ATF7IP2: variants seen among roughly 807,000 people sequenced by gnomAD.
The protein encoded by ATF7IP2 is activating transcription factor 7 interacting protein 2, also known as activating transcription factor 7-interacting protein 2.
ATF7IP2 carries 42 observed loss-of-function variants against 64.2 expected under a neutral mutation model. That is an observed-to-expected ratio of 0.65 (90% CI 0.51 to 0.85). The LOEUF is 0.85. ATF7IP2 is among the 40% of genes least tolerant of loss of function. ATF7IP2 has a pLI of 0.00. For missense variants in ATF7IP2, 933 were observed against 784.2 expected, an observed-to-expected ratio of 1.19 and a Z score of -2.27; for synonymous variants, 308 against 272.8, an observed-to-expected ratio of 1.13 and a Z score of -1.27.
intron 8 of ATF7IP2, chr16:10,445,182 T>A (rs2048760597): frequency 6.6e-6 from 1 of 152,210 alleles, no homozygotes; most frequent in Admixed American, 6.5e-5. Flanking sequence ...CCCCAATGGG[T>A]TCCTTGATGC....
chr16:10,457,270 T>C, intron 8 of ATF7IP2, 102 bp from the exon 9 acceptor site: 1 of 938,338 alleles, frequency 1.1e-6, no homozygotes, highest in Non-Finnish European at 1.6e-6. Context: ...AACTTATGTT[T>C]TGCCATATGT....
chr16:10,433,644 G>A lies in ATF7IP2; in HGVS notation c.955G>A (p.Glu319Lys), dbSNP rs1172778764. The change falls in exon 6 of 14, where the codon GAA becomes AAA. Residue 319 changes from glutamate to lysine, a missense_variant. Coordinates refer to ENST00000562102, the MANE Select transcript of ATF7IP2 (RefSeq NM_001393719.1). ...VSLERQTAFL[E>K]QVRHLIQQEI... The stretch of plus-strand genomic sequence containing the variant: ...TTTGGAAAGGCAAACAGCATTCCTG[G>A]AACAGGTAAAATATTGGGGCTTAAA... 4.3e-6 allele frequency: 7 copies of A among 1,613,146 alleles called. No individual in the cohort carries two copies. The South Asian group carries it at 4.4e-5, about 10-fold the overall frequency.
rs74322853 is a variant in ATF7IP2, at chr16:10,431,150, T to G, written c.530T>G (p.Val177Gly). The change falls in exon 5 of 14, where the codon GTT becomes GGT. Residue 177 changes from valine to glycine, a missense_variant. Val to Gly is a moderately radical substitution (Grantham distance 109, BLOSUM62 -3). Coordinates refer to ENST00000562102, the MANE Select transcript of ATF7IP2 (RefSeq NM_001393719.1). The part of the protein sequence containing the change: ...SCCPPSVLSG[V>G]VQMPESTVTS... The stretch of plus-strand genomic sequence containing the variant: ...TGTCCACCCAGTGTATTGAGTGGTG[T>G]TGTTCAGATGCCAGAGTCTACAGTA... The G allele has an allele frequency of 4.9e-4, 792 of 1,609,060 alleles. 2 individuals carry two copies. The East Asian group carries it at 0.01, about 20-fold the overall frequency.
At chr16:10,391,395 G>C (rs2047319725) in intron 1 of ATF7IP2, among the ~76,000 whole-genome samples, 2 of 152,072 alleles carry the variant, frequency 1.3e-5, no homozygotes, top group Non-Finnish European at 2.9e-5. Flanking sequence ...ACTCCAGCCT[G>C]GGCAACAAGA....
chr16:10,470,943 A>G (rs546933473), intron 9 of ATF7IP2, among the ~76,000 whole-genome samples: 1 of 151,864 alleles, frequency 6.6e-6, no homozygotes, highest in Non-Finnish European at 1.5e-5. Context: ...AGAAGACTAC[A>G]CTATCTTTGT....
At chr16:10,399,625 T>A in intron 1 of ATF7IP2, among the ~76,000 whole-genome samples, 1 of 152,248 alleles carries the variant, frequency 6.6e-6, no homozygotes, top group East Asian at 1.9e-4. Context: ...GGTAATGCAA[T>A]ATCTTCAGCT....
intron 9 of ATF7IP2, among the ~76,000 whole-genome samples, chr16:10,461,185 C>A (rs369336380): frequency 9.7e-4 from 148 of 152,160 alleles, no homozygotes; most frequent in African/African-American, 3.5e-3. Context: ...ATTTAAAAAT[C>A]TGACTACTGG....
intron 3 of ATF7IP2, among the ~76,000 whole-genome samples, chr16:10,423,625 C>T (rs538988661): frequency 3.3e-5 from 5 of 152,326 alleles, no homozygotes; most frequent in Non-Finnish European, 4.4e-5. Context: ...GGTCAGGCCA[C>T]TCTTTTTCTT....
chr16:10,440,477 A>C lies in ATF7IP2; in HGVS notation c.1194+15A>C, dbSNP rs1329548884. The C allele has an allele frequency of 7.5e-7, 1 of 1,342,174 alleles. No individual in the cohort carries two copies. The highest frequency in any genetic ancestry group is 1.5e-5 in the African/African-American group (1 of 66,814). The allele number at this position is 1,342,174 out of a possible 1,614,324, so 83.1% of individuals were successfully genotyped here. A position where few individuals can be genotyped will look rare whatever the true frequency, so the allele number is the denominator to read the frequency against. ...GAGCCTCTAAGGTTTGTATAAACACACAGGAATTGTAATCATCTATTTGAC... is the reference window on the plus strand; with the variant it reads ...GAGCCTCTAAGGTTTGTATAAACACCCAGGAATTGTAATCATCTATTTGAC... On this transcript the variant is annotated intron_variant, in intron 8 of 13. Coordinates refer to ENST00000562102, the MANE Select transcript of ATF7IP2 (RefSeq NM_001393719.1).
At chr16:10,476,970 A>G (rs1357409641) in intron 12 of ATF7IP2, among the ~76,000 whole-genome samples, 1 of 152,188 alleles carries the variant, frequency 6.6e-6, no homozygotes. Context: ...ATATACATGC[A>G]TGTATTTTTC....
At chr16:10,465,829 G>T (rs972661758) in intron 9 of ATF7IP2, among the ~76,000 whole-genome samples, 7 of 151,988 alleles carry the variant, frequency 4.6e-5, no homozygotes, top group African/African-American at 1.4e-4. Context: ...TGGAATTCCC[G>T]TTAGACCATA....
At chr16:10,467,268 T>C (rs1281783494) in intron 9 of ATF7IP2, among the ~76,000 whole-genome samples, 1 of 152,172 alleles carries the variant, frequency 6.6e-6, no homozygotes, top group East Asian at 1.9e-4. Flanking sequence ...ACAATGAGAC[T>C]GCCAAAAATT....
chr16:10,409,996 G>A (rs2047720878), intron 1 of ATF7IP2, among the ~76,000 whole-genome samples: 1 of 152,170 alleles, frequency 6.6e-6, no homozygotes. Context: ...GTAGTTTGAA[G>A]TCAGGTAATG....
intron 1 of ATF7IP2, among the ~76,000 whole-genome samples, chr16:10,399,455 G>A (rs1411812798): frequency 6.6e-6 from 1 of 152,160 alleles, no homozygotes. Flanking sequence ...TGTCCTTTCT[G>A]CAGCATATAT....
rs1042167409 is a variant in ATF7IP2 at position 10,483,213 on chromosome 16, G to A, written c.*964G>A. On this transcript the variant is annotated 3_prime_UTR_variant, in exon 14 of 14. Transcript: ENST00000562102. ...TGTGCTGTGTACACAAAAACATAAT[G>A]TATCTTATGAAAGCATTACCCAACC... 6.6e-6 allele frequency: 1 copy of A among 152,178 alleles called. No individual in the cohort carries two copies. Among genetic ancestry groups the A allele is most frequent in the Admixed American group, 6.5e-5 (1 of 15,268 alleles). 9.4% of individuals were successfully genotyped at this position (152,178 alleles called of 1,614,324 possible). A position where few individuals can be genotyped will look rare whatever the true frequency, so the allele number is the denominator to read the frequency against.
intron 9 of ATF7IP2, among the ~76,000 whole-genome samples, chr16:10,463,870 T>C (rs763380492): frequency 2.0e-4 from 31 of 152,196 alleles, no homozygotes; most frequent in Admixed American, 7.9e-4. Flanking sequence ...TTTTCCCCCA[T>C]TCTTGTGTTA....
At chr16:10,436,377 A>C (rs1234031380) in intron 6 of ATF7IP2, among the ~76,000 whole-genome samples, 2 of 140,522 alleles carry the variant, frequency 1.4e-5, no homozygotes, top group Non-Finnish European at 3.1e-5. Context: ...ATATAATAGT[A>C]TGTGTTACTG....
intron 8 of ATF7IP2, among the ~76,000 whole-genome samples, chr16:10,442,926 G>C (rs926770314): frequency 6.6e-6 from 1 of 152,092 alleles, no homozygotes; most frequent in Non-Finnish European, 1.5e-5. Flanking sequence ...CAGCTGTTTG[G>C]TTTCATGCTT....
chr16:10,386,748 A>G (rs532433451), intron 1 of ATF7IP2: 1 of 152,312 alleles, frequency 6.6e-6, no homozygotes, highest in African/African-American at 2.4e-5. Flanking sequence ...TTAAGGTAGA[A>G]GTTCGTTTTT....
Sources: allele counts gnomAD v4.1 joint callset (sites outside exome capture counted in the v4.1 genomes callset), GRCh38; gene constraint gnomAD v4.1.1; transcripts MANE v1.5; gene names NCBI Gene and HGNC (gene_info 2026-07-23, HGNC 2026-07-21).